FXR2: variants seen among roughly 807,000 people sequenced by gnomAD.
The protein encoded by FXR2 is FMR1 autosomal homolog 2, also known as RNA-binding protein FXR2.
Under a neutral mutation model 87.3 loss-of-function variants are expected in FXR2, and 9 were observed. The observed-to-expected ratio is 0.10, with a 90% confidence interval of 0.06 to 0.18. FXR2 has a LOEUF of 0.18. FXR2 is among the 10% of genes least tolerant of loss of function. The pLI is 1.00. For synonymous variants in FXR2, 331 were observed against 328.3 expected, an observed-to-expected ratio of 1.01 and a Z score of -0.09; for missense variants, 661 against 893.6, an observed-to-expected ratio of 0.74 and a Z score of 3.32.
rs538859324 is a variant in FXR2 at position 7,600,191 on chromosome 17, G to A, written c.660+1218C>T. 6.6e-5 allele frequency among the ~76,000 whole-genome samples: 10 copies of A among 151,304 alleles called. No homozygotes were observed. The South Asian group carries it at 2.1e-3, about 32-fold the overall frequency. On this transcript the variant is annotated intron_variant, in intron 7 of 16. Transcript: ENST00000250113. ...TGGGATTACAGACGTGGGCCACCGCGCCCAGTCATATCCTTTTTTTCTTTG... is the reference window on the plus strand; with the variant it reads ...TGGGATTACAGACGTGGGCCACCGCACCCAGTCATATCCTTTTTTTCTTTG...
rs555714792 is a variant in FXR2, at chr17:7,613,378, G to A, written c.81+1074C>T. Among the ~76,000 whole-genome samples the A allele has an allele frequency of 2.0e-5, 3 of 152,202 alleles. No homozygotes were observed. In the East Asian group the frequency reaches 5.8e-4, roughly 29 times the overall value. ...ACAGTCACACAAAGAAAAACTCTTG[G>A]GAGGCAAGAAAGGGCTCTCTCTGGC... On this transcript the variant is annotated intron_variant, in intron 1 of 16. Transcript: ENST00000250113.
chr17:7,599,258 C>A (rs906667376), intron 7 of FXR2, among the ~76,000 whole-genome samples: 1 of 151,754 alleles, frequency 6.6e-6, no homozygotes, highest in Non-Finnish European at 1.5e-5. Context: ...GAGATCGCAC[C>A]ACTACATACA....
In FXR2 at chr17:7,593,194, A is replaced by G. The variant is rs555252867; in HGVS notation, c.1331-13T>C. ...TCTGAGCTGGGGCCTGAAGAACACA[A>G]TGGGATTTATTCACGGCCATTCATC... On this transcript the variant is annotated splice_polypyrimidine_tract_variant and intron_variant, in intron 12 of 16. Coordinates refer to ENST00000250113, the MANE Select transcript of FXR2 (RefSeq NM_004860.4). This position sits in a 1 kb window ranked among gnomAD's most constrained non-coding sequence, Gnocchi z 6.1. 1.2e-5 allele frequency: 18 copies of G among 1,507,004 alleles called. No homozygotes were observed. The highest frequency in any genetic ancestry group is 7.0e-5 in the African/African-American group (5 of 71,544). The allele number at this position is 1,507,004 out of a possible 1,614,324, so 93.4% of individuals were successfully genotyped here.
Position 7,595,767 on chromosome 17 carries a change from C to CG in FXR2, c.831+56dup, listed in dbSNP as rs1356755738. On this transcript the variant is annotated intron_variant, in intron 8 of 16. Transcript: ENST00000250113. The surrounding 1 kb of genome is among the most constrained non-coding windows in gnomAD (Gnocchi z 4.7). ...CCAGTTTGAGGCTTATTTTCTACTT[C>CG]GGCCTCTCTTCCCTCTATCCCCTAA... 1 of 1,415,416 alleles carries CG rather than the reference C, an allele frequency of 7.1e-7. No individual in the cohort carries two copies. Among genetic ancestry groups the CG allele is most frequent in the East Asian group, 2.3e-5 (1 of 43,442 alleles). 87.7% of individuals were successfully genotyped at this position (1,415,416 alleles called of 1,614,324 possible). A position where few individuals can be genotyped will look rare whatever the true frequency, so the allele number is the denominator to read the frequency against.
At chr17:7,606,016 C>A (rs1247929940) in intron 2 of FXR2, 81 bp downstream of exon 2, 2 of 909,748 alleles carry the variant, frequency 2.2e-6, no homozygotes, top group Non-Finnish European at 3.5e-6. Flanking sequence ...TATTACATGC[C>A]TCATAGGACT....
chr17:7,598,820 C>G (rs982219504), intron 7 of FXR2, among the ~76,000 whole-genome samples: 3 of 152,024 alleles, frequency 2.0e-5, no homozygotes, highest in African/African-American at 7.2e-5. Context: ...ACCAGCCTAG[C>G]CAACATGGTG....
rs557500822 is a variant in FXR2, at chr17:7,614,324, T to C, written c.81+128A>G. ...CGGTCTCCCAGGGAAGGCTGCGGGT[T>C]GGAGCAAGGGTCCAAGATTCTAAGG... On this transcript the variant is annotated intron_variant, in intron 1 of 16. Coordinates refer to ENST00000250113, the MANE Select transcript of FXR2 (RefSeq NM_004860.4). The C allele has an allele frequency of 1.1e-4, 82 of 734,276 alleles. No individual in the cohort carries two copies. The African/African-American group carries it at 1.3e-3, about 12-fold the overall frequency. The allele number at this position is 734,276 out of a possible 1,614,324, so 45.5% of individuals were successfully genotyped here.
intron 1 of FXR2, among the ~76,000 whole-genome samples, chr17:7,610,008 A>ATGTG (rs551952426): frequency 1.7e-4 from 13 of 75,642 alleles, no homozygotes; most frequent in South Asian, 3.6e-4. Context: ...ATGTATACAT[A>ATGTG]TATATATACA....
At chr17:7,610,688 T>G (rs1024322113) in intron 1 of FXR2, among the ~76,000 whole-genome samples, 1 of 152,132 alleles carries the variant, frequency 6.6e-6, no homozygotes, top group African/African-American at 2.4e-5. Flanking sequence ...AGGGTATCTG[T>G]GGTGGAAGTG....
At chr17:7,614,427 G>T in intron 1 of FXR2, 25 bp downstream of exon 1, 1 of 1,500,062 alleles carries the variant, frequency 6.7e-7, no homozygotes, top group Non-Finnish European at 9.0e-7. Context: ...AAGGACCGGC[G>T]TCCCCAGTCG....
Position 7,606,086 on chromosome 17 carries a change from C to A in FXR2, c.134+11G>T. 4 of 1,506,500 alleles carry A rather than the reference C, an allele frequency of 2.7e-6. No individual in the cohort carries two copies. Among genetic ancestry groups the A allele is most frequent in the Non-Finnish European group, 2.7e-6 (3 of 1,106,300 alleles). 93.3% of individuals were successfully genotyped at this position (1,506,500 alleles called of 1,614,324 possible). ...CCTAGTATGCTGGATTCTCTATTCC[C>A]AAGGTCTTACTTGTTTTCAAAGAAG... is the stretch of plus-strand genomic sequence containing the variant. On this transcript the variant is annotated intron_variant, in intron 2 of 16. Coordinates refer to ENST00000250113, the MANE Select transcript of FXR2 (RefSeq NM_004860.4).
At position 7,593,161 on chromosome 17, in the gene FXR2, T is replaced by C. The variant is rs753312345; in HGVS notation, c.1351A>G (p.Thr451Ala). The change falls in exon 13 of 17, where the codon ACA becomes GCA. Residue 451 changes from threonine to alanine, a missense_variant. Around this residue, in one of 3 missense-constraint regions of FXR2, gnomAD observed 409 missense variants for 432.0 expected, o/e 0.95. Transcript: ENST00000250113. The surrounding 1 kb of genome is among the most constrained non-coding windows in gnomAD (Gnocchi z 6.1). ...TTCTCTGACTCAGTCTCTGAAGCTG[T>C]AGACACATCTGAGCTGGGGCCTGAA... ...PAYGPSSDVS[T>A]ASETESEKRE... The C allele has an allele frequency of 9.1e-6, 14 of 1,532,772 alleles. No homozygotes were observed. Among genetic ancestry groups the C allele is most frequent in the South Asian group, 2.6e-5 (2 of 77,616 alleles). 94.9% of individuals were successfully genotyped at this position (1,532,772 alleles called of 1,614,324 possible). A position where few individuals can be genotyped will look rare whatever the true frequency, so the allele number is the denominator to read the frequency against.
chr17:7,610,034 G>GTATATATACATGCA (rs1567754112), intron 1 of FXR2, among the ~76,000 whole-genome samples: 1 of 75,068 alleles, frequency 1.3e-5, no homozygotes, highest in East Asian at 4.4e-4. Context: ...ATGTATACAT[G>GTATATATACATGCA]TATGTATATA....
At chr17:7,606,173 C>CA (rs755584443) in intron 1 of FXR2, 24 bp from the exon 2 acceptor site, 458 of 1,470,708 alleles carry the variant, frequency 3.1e-4, no homozygotes, top group Non-Finnish European at 3.8e-4. Flanking sequence ...TAGAAAAAAG[C>CA]AAAAAAAATA....
At chr17:7,609,553 C>T (rs2071832071) in intron 1 of FXR2, among the ~76,000 whole-genome samples, 1 of 152,120 alleles carries the variant, frequency 6.6e-6, no homozygotes, top group African/African-American at 2.4e-5. Context: ...ACTCTTCATT[C>T]AGATTTTTTT....
intron 6 of FXR2, chr17:7,602,598 G>A (rs532587423): frequency 3.8e-4 from 73 of 189,780 alleles, no homozygotes; most frequent in East Asian, 1.2e-3. Context: ...GCGTGGTGAC[G>A]CACACCTGTA....
chr17:7,593,474 T>C lies in FXR2; in HGVS notation c.1259A>G (p.His420Arg), dbSNP rs1395301223. The change falls in exon 12 of 17, where the codon CAT becomes CGT. Residue 420 changes from histidine to arginine, a missense_variant. By Grantham distance (29) the His-to-Arg change is conservative (BLOSUM62 0). Coordinates refer to ENST00000250113, the MANE Select transcript of FXR2 (RefSeq NM_004860.4). The surrounding 1 kb of genome is among the most constrained non-coding windows in gnomAD (Gnocchi z 6.1). ...STDESSSSSL[H>R]ATRTYGGSYG... Reference sequence around the variant, plus strand: ...GCTGCCCCCATAGGTTCGAGTCGCATGGAGGGAGGAGGAGGAGCTCTCATC... The same window carrying C: ...GCTGCCCCCATAGGTTCGAGTCGCACGGAGGGAGGAGGAGGAGCTCTCATC... 2 of 1,590,350 alleles carry C rather than the reference T, an allele frequency of 1.3e-6. No individual in the cohort carries two copies. The highest frequency in any genetic ancestry group is 1.7e-6 in the Non-Finnish European group (2 of 1,169,560).
Position 7,593,395 on chromosome 17 carries a change from T to C in FXR2, c.1330+8A>G, listed in dbSNP as rs1567748015. The C allele has an allele frequency of 6.4e-7, 1 of 1,554,644 alleles. No homozygotes were observed. The highest frequency in any genetic ancestry group is 8.7e-7 in the Non-Finnish European group (1 of 1,146,762). Reference sequence around the variant, plus strand: ...ACTCCTTGCCTCCTGTTCCCATAACTGTCTCACCATAGGCAGGACCGCCTG... The same window carrying C: ...ACTCCTTGCCTCCTGTTCCCATAACCGTCTCACCATAGGCAGGACCGCCTG... On this transcript the variant is annotated splice_region_variant and intron_variant, in intron 12 of 16. Transcript: ENST00000250113. This position sits in a 1 kb window ranked among gnomAD's most constrained non-coding sequence, Gnocchi z 6.1.
chr17:7,592,963 A>G lies in FXR2; in HGVS notation c.1528+21T>C. The stretch of plus-strand genomic sequence containing the variant: ...TCATCTTTCCTTTTGGCCCATATTC[A>G]TGAACCCAGCTGTCTGGTACCTGAG... On this transcript the variant is annotated intron_variant, in intron 13 of 16. Transcript: ENST00000250113. This position sits in a 1 kb window ranked among gnomAD's most constrained non-coding sequence, Gnocchi z 4.8. 1 of 1,552,528 alleles carries G rather than the reference A, an allele frequency of 6.4e-7. No homozygotes were observed. Among genetic ancestry groups the G allele is most frequent in the Non-Finnish European group, 8.7e-7 (1 of 1,151,048 alleles).
Sources: allele counts gnomAD v4.1 joint callset (sites outside exome capture counted in the v4.1 genomes callset), GRCh38; gene constraint gnomAD v4.1.1; regional missense constraint gnomAD v4.1.1; non-coding constraint Gnocchi (gnomAD v3.1); transcripts MANE v1.5; gene names NCBI Gene and HGNC (gene_info 2026-07-23, HGNC 2026-07-21).